The following GNG12 variants were observed in gnomAD, a reference collection of about 807,000 sequenced individuals.
The protein encoded by GNG12 is G protein subunit gamma 12.
For missense variants in GNG12, 69 were observed against 83.8 expected, an observed-to-expected ratio of 0.82 and a Z score of 0.69; for synonymous variants, 28 against 29.7, an observed-to-expected ratio of 0.94 and a Z score of 0.19.
At position 67,764,633 on chromosome 1, in the gene GNG12, T is replaced by C. The variant is rs72684531; in HGVS notation, c.-27+12825A>G. 3.4e-3 allele frequency among the ~76,000 whole-genome samples: 514 copies of C among 152,186 alleles called. 2 individuals are homozygous for C. The highest frequency in any genetic ancestry group is 6.0e-3 in the Non-Finnish European group (406 of 67,994). ...CTAGATTAATGGCCACTTTCAACAG[T>C]GGAAAGGGAACAGATGTCCAAGAAG... On this transcript the variant is annotated intron_variant, in intron 2 of 3. Transcript: ENST00000370982.
At chr1:67,791,912 ACT>A (rs1284606325) in intron 1 of GNG12, among the ~76,000 whole-genome samples, 1 of 152,048 alleles carries the variant, frequency 6.6e-6, no homozygotes, top group African/African-American at 2.4e-5. Flanking sequence ...GCCTTGGCTC[ACT>A]CTATCCAGCC....
At chr1:67,751,848 C>T (rs148660784) in intron 2 of GNG12, among the ~76,000 whole-genome samples, 190 of 152,306 alleles carry the variant, frequency 1.2e-3, no homozygotes, top group African/African-American at 4.2e-3. Flanking sequence ...GTGCTGAACA[C>T]GGGTACTGAA....
At position 67,701,711 on chromosome 1, in the gene GNG12, A is replaced by C. The variant is rs1047487990; in HGVS notation, c.*3740T>G. ...GCCAAAGAATATTACATAACAACAA[A>C]ATCTCATCAATGATATATCAAATGC... On this transcript the variant is annotated 3_prime_UTR_variant, in exon 4 of 4. Coordinates refer to ENST00000370982, the MANE Select transcript of GNG12 (RefSeq NM_018841.6). The C allele has an allele frequency of 7.9e-5, 12 of 152,636 alleles. No homozygotes were observed. The highest frequency in any genetic ancestry group is 2.9e-4 in the African/African-American group (12 of 41,444). 9.5% of individuals were successfully genotyped at this position (152,636 alleles called of 1,614,324 possible). A position where few individuals can be genotyped will look rare whatever the true frequency, so the allele number is the denominator to read the frequency against.
intron 1 of GNG12, among the ~76,000 whole-genome samples, chr1:67,824,883 T>A (rs1647003242): frequency 6.6e-6 from 1 of 151,882 alleles, no homozygotes; most frequent in East Asian, 1.9e-4. Context: ...TATTACCTGC[T>A]GGATGTGGGT....
intron 3 of GNG12, 60 bp downstream of exon 3, chr1:67,707,534 G>T: frequency 3.3e-6 from 3 of 907,230 alleles, no homozygotes; most frequent in Non-Finnish European, 5.4e-6. Context: ...AAGTGGTCCA[G>T]CCACAAGGAA....
chr1:67,789,286 G>A (rs1465406978), intron 1 of GNG12, among the ~76,000 whole-genome samples: 1 of 152,186 alleles, frequency 6.6e-6, no homozygotes, highest in Non-Finnish European at 1.5e-5. Context: ...AATGGATGAG[G>A]ACATGTGCCT....
At chr1:67,830,690 G>C (rs974832116) in intron 1 of GNG12, among the ~76,000 whole-genome samples, 5 of 152,116 alleles carry the variant, frequency 3.3e-5, no homozygotes, top group Non-Finnish European at 7.3e-5. Context: ...TGTAACTTTA[G>C]CACTAAAAGC....
chr1:67,822,078 C>T (rs1045761173), intron 1 of GNG12, among the ~76,000 whole-genome samples: 10 of 147,592 alleles, frequency 6.8e-5, no homozygotes, highest in African/African-American at 2.3e-4. Flanking sequence ...AAAAAAAAAT[C>T]GCAAAAAAAA....
At chr1:67,778,305 G>C (rs989003824) in intron 1 of GNG12, among the ~76,000 whole-genome samples, 1 of 151,958 alleles carries the variant, frequency 6.6e-6, no homozygotes, top group Non-Finnish European at 1.5e-5. Context: ...GATTCAGTAC[G>C]TCTCAACTTG....
intron 2 of GNG12, among the ~76,000 whole-genome samples, chr1:67,708,117 C>G (rs1415486048): frequency 6.6e-6 from 1 of 152,224 alleles, no homozygotes; most frequent in Non-Finnish European, 1.5e-5. Flanking sequence ...CCTACTTTCA[C>G]AGAAGGTTTG....
intron 1 of GNG12, among the ~76,000 whole-genome samples, chr1:67,798,543 C>A (rs934307000): frequency 6.6e-6 from 1 of 152,140 alleles, no homozygotes; most frequent in African/African-American, 2.4e-5. Context: ...GCCTCCCCAT[C>A]CCCCTCTGCC....
At chr1:67,727,157 A>G (rs943544318) in intron 2 of GNG12, among the ~76,000 whole-genome samples, 1 of 152,242 alleles carries the variant, frequency 6.6e-6, no homozygotes, top group Non-Finnish European at 1.5e-5. Flanking sequence ...CAGGTAATAC[A>G]ACAATATTAT....
chr1:67,723,519 T>C (rs1185927495), intron 2 of GNG12, among the ~76,000 whole-genome samples: 1 of 152,254 alleles, frequency 6.6e-6, no homozygotes, highest in Non-Finnish European at 1.5e-5. Context: ...TTGTTTTCTA[T>C]GTACTCTGGT....
intron 2 of GNG12, among the ~76,000 whole-genome samples, chr1:67,753,353 G>GAAA (rs11442263): frequency 6.8e-6 from 1 of 146,140 alleles, no homozygotes; most frequent in South Asian, 2.1e-4. Flanking sequence ...TCCAAAACCT[G>GAAA]AAAAAAAAAA....
At chr1:67,820,144 T>G (rs1252990682) in intron 1 of GNG12, among the ~76,000 whole-genome samples, 2 of 150,650 alleles carry the variant, frequency 1.3e-5, no homozygotes, top group Admixed American at 1.3e-4. Flanking sequence ...ATCCCAGCAC[T>G]TTGGGAGGCC....
intron 2 of GNG12, among the ~76,000 whole-genome samples, chr1:67,731,461 G>A (rs1646419050): frequency 1.3e-5 from 2 of 152,238 alleles, no homozygotes; most frequent in Non-Finnish European, 2.9e-5. Flanking sequence ...TTGGCTGGGG[G>A]AAACTCCAGC....
At chr1:67,712,545 T>C (rs1285337101) in intron 2 of GNG12, among the ~76,000 whole-genome samples, 1 of 152,050 alleles carries the variant, frequency 6.6e-6, no homozygotes, top group Non-Finnish European at 1.5e-5. Flanking sequence ...ACAAAAATAA[T>C]TGCCAGGAGT....
At chr1:67,788,802 GT>G in intron 1 of GNG12, among the ~76,000 whole-genome samples, 1 of 152,316 alleles carries the variant, frequency 6.6e-6, no homozygotes, top group South Asian at 2.1e-4. Flanking sequence ...ATTTAAGAAG[GT>G]TTAGAAGACA....
At chr1:67,817,683 C>A (rs1319958452) in intron 1 of GNG12, among the ~76,000 whole-genome samples, 1 of 151,922 alleles carries the variant, frequency 6.6e-6, no homozygotes, top group Non-Finnish European at 1.5e-5. Context: ...GCTTACTGGT[C>A]CTTAGGGAAG....
Sources: gnomAD v4.1 joint callset for allele counts (sites outside exome capture counted in the v4.1 genomes callset) on GRCh38, gnomAD v4.1.1 for gene constraint, MANE v1.5 for transcripts, NCBI Gene and HGNC (gene_info 2026-07-23, HGNC 2026-07-21) for gene names.